Variants in EXOC6B observed in about 807,000 individuals in gnomAD.
EXOC6B encodes the protein SEC15 homolog B.
In EXOC6B, 54 loss-of-function variants were observed where a neutral mutation model predicts 113.5. That is an observed-to-expected ratio of 0.48 (90% CI 0.38 to 0.60). The LOEUF (loss-of-function observed/expected upper bound fraction) is 0.60. EXOC6B is among the 20% of genes least tolerant of loss of function. The pLI is 0.00. For synonymous variants in EXOC6B, 357 were observed against 339.0 expected (o/e 1.05, Z -0.58); for missense variants, 797 against 977.5 (o/e 0.82, Z 2.46).
chr2:72,408,125 A>G (rs1189807803), intron 18 of EXOC6B, among the ~76,000 whole-genome samples: 1 of 152,208 alleles, frequency 6.6e-6, no homozygotes, highest in Admixed American at 6.5e-5. Context: ...ATTGCTTTAA[A>G]GAGAATAAAA....
At chr2:72,687,114 G>A (rs1028444645) in intron 6 of EXOC6B, among the ~76,000 whole-genome samples, 30 of 151,390 alleles carry the variant, frequency 2.0e-4, no homozygotes, top group African/African-American at 6.6e-4. Context: ...CTCCAGCCTG[G>A]GTGACAGAGC....
At chr2:72,402,688 G>T (rs1558632712) in intron 18 of EXOC6B, among the ~76,000 whole-genome samples, 1 of 152,082 alleles carries the variant, frequency 6.6e-6, no homozygotes, top group East Asian at 1.9e-4. Context: ...ATACTTTCCT[G>T]TTTTGTTGTA....
intron 11 of EXOC6B, among the ~76,000 whole-genome samples, chr2:72,507,096 T>A (rs893760128): frequency 4.6e-5 from 7 of 152,264 alleles, no homozygotes; most frequent in African/African-American, 1.7e-4. Flanking sequence ...TGTTTCAATT[T>A]ATACTAATAA....
chr2:72,605,672 T>A (rs1433862832), intron 6 of EXOC6B, among the ~76,000 whole-genome samples: 1 of 152,236 alleles, frequency 6.6e-6, no homozygotes, highest in African/African-American at 2.4e-5. Context: ...CTAGCACATG[T>A]ATATACTAAG....
intron 6 of EXOC6B, among the ~76,000 whole-genome samples, chr2:72,667,956 C>T (rs1408736071): frequency 6.6e-6 from 1 of 152,096 alleles, no homozygotes; most frequent in East Asian, 1.9e-4. Flanking sequence ...AGAAAATATT[C>T]ACCAACTATG....
chr2:72,652,718 T>C (rs894559626), intron 6 of EXOC6B, among the ~76,000 whole-genome samples: 11 of 148,254 alleles, frequency 7.4e-5, no homozygotes, highest in Non-Finnish European at 1.3e-4. Flanking sequence ...CTTTTTTCTA[T>C]GAAATTATAT....
intron 6 of EXOC6B, among the ~76,000 whole-genome samples, chr2:72,610,856 T>G (rs1480255370): frequency 6.6e-6 from 1 of 152,112 alleles, no homozygotes; most frequent in Admixed American, 6.5e-5. Flanking sequence ...AACTCCGCAG[T>G]GAAGAAACCT....
At chr2:72,311,244 C>G (rs1027738751) in intron 20 of EXOC6B, among the ~76,000 whole-genome samples, 3 of 152,152 alleles carry the variant, frequency 2.0e-5, no homozygotes, top group Non-Finnish European at 4.4e-5. Context: ...AAGGTGTTGG[C>G]AAGGTTACAT....
At chr2:72,233,411 G>A (rs1681754422) in intron 20 of EXOC6B, among the ~76,000 whole-genome samples, 1 of 152,136 alleles carries the variant, frequency 6.6e-6, no homozygotes, top group Non-Finnish European at 1.5e-5. Flanking sequence ...GCCTGTCTGG[G>A]CTCTGTGGGG....
Position 72,335,022 on chromosome 2 carries a change from T to C in EXOC6B, c.2123-2A>G. 1 of 1,613,108 alleles carries C rather than the reference T, an allele frequency of 6.2e-7. No individual in the cohort carries two copies. The highest frequency in any genetic ancestry group is 8.5e-7 in the Non-Finnish European group (1 of 1,179,346). The stretch of plus-strand genomic sequence containing the variant: ...GCACCGGGCCGGATCTGGCAAACTC[T>C]GTGGGAAAGAAAAGAGGATAAAAAG... On this transcript the variant is annotated splice_acceptor_variant, in intron 19 of 21. Coordinates refer to ENST00000272427, the MANE Select transcript of EXOC6B (RefSeq NM_015189.3). LOFTEE classifies it high-confidence loss of function.
At chr2:72,295,478 A>G (rs1037878236) in intron 20 of EXOC6B, among the ~76,000 whole-genome samples, 3 of 152,138 alleles carry the variant, frequency 2.0e-5, no homozygotes, top group Non-Finnish European at 4.4e-5. Context: ...AGGGCCAGAG[A>G]GTGACTGTTT....
chr2:72,207,335 G>T (rs976026834), intron 20 of EXOC6B, among the ~76,000 whole-genome samples: 3 of 152,114 alleles, frequency 2.0e-5, no homozygotes, highest in Admixed American at 2.0e-4. Context: ...ACAGCACAGT[G>T]GTTAAAAGTG....
chr2:72,303,846 T>C (rs959013962), intron 20 of EXOC6B, among the ~76,000 whole-genome samples: 1 of 152,214 alleles, frequency 6.6e-6, no homozygotes, highest in African/African-American at 2.4e-5. Flanking sequence ...CTGCCTCTGA[T>C]TGAAGTGGTC....
chr2:72,616,487 G>A lies in EXOC6B; in HGVS notation c.670-40819C>T, dbSNP rs540968068. On this transcript the variant is annotated intron_variant, in intron 6 of 21. Coordinates refer to ENST00000272427, the MANE Select transcript of EXOC6B (RefSeq NM_015189.3). ...AGAAATAAATTCACATAACTACAGTGTATTAGTCTGTTTCCATGGCTGGGG... is the reference window on the plus strand; with the variant it reads ...AGAAATAAATTCACATAACTACAGTATATTAGTCTGTTTCCATGGCTGGGG... 2.0e-5 allele frequency among the ~76,000 whole-genome samples: 3 copies of A among 152,304 alleles called. No homozygotes were observed. In the South Asian group the frequency reaches 6.2e-4, roughly 32 times the overall value.
rs569950707 is a variant in EXOC6B, at chr2:72,707,366, T to C, written c.669+10737A>G. The stretch of plus-strand genomic sequence containing the variant: ...ATCTTTATTTCTTCCATGGCACTTA[T>C]CATTTTCTACCTTATAGTCCTATTA... On this transcript the variant is annotated intron_variant, in intron 6 of 21. Transcript: ENST00000272427. Among the ~76,000 whole-genome samples the C allele has an allele frequency of 1.2e-4, 19 of 152,168 alleles. No homozygotes were observed. The South Asian group carries it at 3.9e-3, about 32-fold the overall frequency.
chr2:72,805,690 G>A (rs1006232968), intron 1 of EXOC6B, among the ~76,000 whole-genome samples: 1 of 151,922 alleles, frequency 6.6e-6, no homozygotes, highest in Non-Finnish European at 1.5e-5. Context: ...TACTTTATTA[G>A]TAACTATAGT....
intron 20 of EXOC6B, among the ~76,000 whole-genome samples, chr2:72,221,168 C>T (rs183602272): frequency 6.6e-6 from 1 of 152,256 alleles, no homozygotes; most frequent in Non-Finnish European, 1.5e-5. Flanking sequence ...CTGAGACTTA[C>T]TTTTCCAATC....
chr2:72,455,500 C>T (rs1697172427), intron 18 of EXOC6B, among the ~76,000 whole-genome samples: 2 of 152,046 alleles, frequency 1.3e-5, no homozygotes, highest in Non-Finnish European at 2.9e-5. Flanking sequence ...TAGCTTAGTG[C>T]TTCTCATATA....
chr2:72,489,319 T>C (rs1699610400), intron 16 of EXOC6B, among the ~76,000 whole-genome samples: 1 of 152,216 alleles, frequency 6.6e-6, no homozygotes, highest in Non-Finnish European at 1.5e-5. Context: ...TGATTTATCT[T>C]AAGGGCATGG....
Sources: allele counts gnomAD v4.1 joint callset (sites outside exome capture counted in the v4.1 genomes callset), GRCh38; gene constraint gnomAD v4.1.1; transcripts MANE v1.5; gene names NCBI Gene and HGNC (gene_info 2026-07-23, HGNC 2026-07-21).